The following PACSIN2 variants were observed in gnomAD, a reference collection of about 807,000 sequenced individuals.
The protein encoded by PACSIN2 is protein kinase C and casein kinase substrate in neurons 2.
PACSIN2 carries 25 observed loss-of-function variants against 63.8 expected under a neutral mutation model. The ratio of observed to expected loss-of-function variants is 0.39; its 90% CI spans 0.29 to 0.55. The LOEUF (loss-of-function observed/expected upper bound fraction) is 0.55, where lower values mean the gene tolerates loss of function less well. PACSIN2 is among the 20% of genes least tolerant of loss of function. The probability of loss-of-function intolerance (pLI) is 0.62; values close to 1 mark genes in which losing one functional copy is unlikely to be tolerated. For missense variants in PACSIN2, 518 were observed against 646.9 expected, an observed-to-expected ratio of 0.80 and a Z score of 2.16; for synonymous variants, 255 against 256.2, an observed-to-expected ratio of 1.00 and a Z score of 0.05.
intron 1 of PACSIN2, among the ~76,000 whole-genome samples, chr22:42,939,585 G>A (rs1024857378): frequency 1.4e-4 from 22 of 152,130 alleles, no homozygotes; most frequent in African/African-American, 5.3e-4. Flanking sequence ...CACTCCCACA[G>A]GGCAACGTTT....
Position 42,998,234 on chromosome 22 carries a change from C to T in PACSIN2, c.-78+16787G>A, listed in dbSNP as rs182498480. On this transcript the variant is annotated intron_variant, in intron 1 of 10. Coordinates refer to ENST00000263246, the MANE Select transcript of PACSIN2 (RefSeq NM_001184970.3). ...TCAATGCTCCCAGAGAACCTGGGGA[C>T]CCAGCAAAATTCCTTCAGGGACCGT... Among the ~76,000 whole-genome samples, 469 of 152,290 alleles carry T rather than the reference C, an allele frequency of 3.1e-3. 3 individuals carry two copies. Among genetic ancestry groups the T allele is most frequent in the African/African-American group, 0.011 (462 of 41,566 alleles).
chr22:43,010,398 A>ATATTTTT, intron 1 of PACSIN2, among the ~76,000 whole-genome samples: 3,678 of 126,420 alleles, frequency 0.029, 84 homozygotes, highest in East Asian at 0.043. Context: ...ATATATATAT[A>ATATTTTT]TTTTTTTTTA....
intron 1 of PACSIN2, among the ~76,000 whole-genome samples, chr22:43,014,563 G>A (rs1390812096): frequency 6.6e-6 from 1 of 151,796 alleles, no homozygotes; most frequent in Non-Finnish European, 1.5e-5. Flanking sequence ...CCTAACCTCT[G>A]CACGTCTCGG....
chr22:42,985,383 C>T (rs1231145894), intron 1 of PACSIN2, among the ~76,000 whole-genome samples: 2 of 152,212 alleles, frequency 1.3e-5, no homozygotes, highest in African/African-American at 4.8e-5. Context: ...TGGCTGTCTC[C>T]CACAAGCCAT....
intron 1 of PACSIN2, among the ~76,000 whole-genome samples, chr22:43,010,398 A>ATATATATATATATATATATT: frequency 5.8e-4 from 73 of 126,398 alleles, no homozygotes; most frequent in South Asian, 3.3e-3. Context: ...ATATATATAT[A>ATATATATATATATATATATT]TTTTTTTTTA....
At position 43,009,863 on chromosome 22, in the gene PACSIN2, C is replaced by CT. The variant is rs762256300; in HGVS notation, c.-78+5157dup. Among the ~76,000 whole-genome samples, 857 of 131,732 alleles carry CT rather than the reference C, an allele frequency of 6.5e-3. 28 individuals are homozygous for CT. Among genetic ancestry groups the CT allele is most frequent in the African/African-American group, 0.018 (609 of 34,052 alleles). 86.4% of individuals were successfully genotyped at this position (131,732 alleles called of 152,430 possible). Reference sequence around the variant, plus strand: ...TAGTTGAGACATCATTTTATTTTTTCTATTTTTTTTTTTTTTTTTTTTTGA... The same window carrying CT: ...TAGTTGAGACATCATTTTATTTTTTCTTATTTTTTTTTTTTTTTTTTTTTGA... On this transcript the variant is annotated intron_variant, in intron 1 of 10. Coordinates refer to ENST00000263246, the MANE Select transcript of PACSIN2 (RefSeq NM_001184970.3).
At position 42,912,174 on chromosome 22, in the gene PACSIN2, TATAAC is replaced by T. The variant is rs1931505443; in HGVS notation, c.-77-22_-77-18del. ...TAGACAAACCTATAAATGAAAAACA[TATAAC>T]ATAGTGGTTTTTAAATTCCCAAGGT... On this transcript the variant is annotated intron_variant, in intron 1 of 10. Transcript: ENST00000263246. 2.5e-6 allele frequency: 2 copies of T among 800,622 alleles called. No individual in the cohort carries two copies. Among genetic ancestry groups the T allele is most frequent in the East Asian group, 2.8e-5 (1 of 36,322 alleles). The allele number at this position is 800,622 out of a possible 1,614,324, so 49.6% of individuals were successfully genotyped here.
At chr22:42,879,526 G>A (rs1198489041) in intron 7 of PACSIN2, among the ~76,000 whole-genome samples, 2 of 152,184 alleles carry the variant, frequency 1.3e-5, no homozygotes, top group African/African-American at 4.8e-5. Context: ...CACCCACCAA[G>A]GTTCTCAGTC....
At chr22:43,010,554 C>T (rs1646343324) in intron 1 of PACSIN2, among the ~76,000 whole-genome samples, 1 of 151,848 alleles carries the variant, frequency 6.6e-6, no homozygotes, top group African/African-American at 2.4e-5. Flanking sequence ...ACTAAAAATA[C>T]AAAACATTAG....
At chr22:42,967,736 A>C (rs1359108481) in intron 1 of PACSIN2, among the ~76,000 whole-genome samples, 1 of 152,020 alleles carries the variant, frequency 6.6e-6, no homozygotes, top group Non-Finnish European at 1.5e-5. Flanking sequence ...AAAATACAAA[A>C]AATTAGCCGG....
At chr22:43,012,792 A>C (rs969792908) in intron 1 of PACSIN2, among the ~76,000 whole-genome samples, 1 of 152,064 alleles carries the variant, frequency 6.6e-6, no homozygotes, top group Non-Finnish European at 1.5e-5. Flanking sequence ...AGCTGGGATT[A>C]CAGGTATGAG....
chr22:42,888,541 C>T, intron 5 of PACSIN2, 102 bp downstream of exon 5: 1 of 1,168,424 alleles, frequency 8.6e-7, no homozygotes, highest in Non-Finnish European at 1.3e-6. Flanking sequence ...ATTTATCCCT[C>T]TATCCACCCA....
At chr22:42,879,255 C>T (rs1928894022) in intron 7 of PACSIN2, 86 bp from the exon 8 acceptor site, 2 of 1,443,646 alleles carry the variant, frequency 1.4e-6, no homozygotes, top group East Asian at 4.7e-5. Flanking sequence ...CCCAGCGAGC[C>T]TGCAGTTGGC....
intron 1 of PACSIN2, among the ~76,000 whole-genome samples, chr22:42,987,413 A>ATGTGGTT (rs1922692944): frequency 1.4e-5 from 2 of 140,612 alleles, no homozygotes; most frequent in South Asian, 5.0e-4. Context: ...GCCACCCAGC[A>ATGTGGTT]TGTGGTTTGA....
chr22:42,908,230 T>C (rs1342270637), intron 2 of PACSIN2, among the ~76,000 whole-genome samples: 2 of 152,208 alleles, frequency 1.3e-5, no homozygotes, highest in Non-Finnish European at 2.9e-5. Flanking sequence ...GGAGCTTTTG[T>C]TGAGGCAGAC....
At chr22:42,885,165 G>A (rs369080510) in intron 5 of PACSIN2, among the ~76,000 whole-genome samples, 2 of 152,292 alleles carry the variant, frequency 1.3e-5, no homozygotes, top group African/African-American at 2.4e-5. Flanking sequence ...AGCAGGTGTG[G>A]CCTATCTCAA....
At chr22:42,990,734 C>T (rs1922985059) in intron 1 of PACSIN2, among the ~76,000 whole-genome samples, 1 of 152,176 alleles carries the variant, frequency 6.6e-6, no homozygotes, top group African/African-American at 2.4e-5. Flanking sequence ...GTGATAACAA[C>T]AGAGAACCAC....
chr22:42,909,467 C>T lies in PACSIN2; in HGVS notation c.60+2554G>A, dbSNP rs1234394212. The T allele has an allele frequency of 2.1e-5, 10 of 469,390 alleles. No homozygotes were observed. In the Admixed American group the frequency reaches 2.4e-4, roughly 11 times the overall value. The allele number at this position is 469,390 out of a possible 1,614,324, so 29.1% of individuals were successfully genotyped here. A position where few individuals can be genotyped will look rare whatever the true frequency, so the allele number is the denominator to read the frequency against. ...GTTGGCAGTGTGCACCTGAGTCTCTCAGATCCCAGCAGGCCATCACTGAGC... is the reference window on the plus strand; with the variant it reads ...GTTGGCAGTGTGCACCTGAGTCTCTTAGATCCCAGCAGGCCATCACTGAGC... On this transcript the variant is annotated intron_variant, in intron 2 of 10. Transcript: ENST00000263246.
chr22:42,997,458 T>C (rs1923484417), intron 1 of PACSIN2, among the ~76,000 whole-genome samples: 1 of 151,680 alleles, frequency 6.6e-6, no homozygotes, highest in Non-Finnish European at 1.5e-5. Flanking sequence ...CCTGGGAGGC[T>C]GAGGCAGGAG....
Sources: allele counts gnomAD v4.1 joint callset (sites outside exome capture counted in the v4.1 genomes callset), GRCh38; gene constraint gnomAD v4.1.1; transcripts MANE v1.5; gene names NCBI Gene and HGNC (gene_info 2026-07-23, HGNC 2026-07-21).